Variants in SYT1 observed in about 807,000 individuals in gnomAD.
The protein encoded by SYT1 is synaptotagmin-1.
In SYT1, 8 loss-of-function variants were observed where a neutral mutation model predicts 44.8. That is an observed-to-expected ratio of 0.18 (90% CI 0.10 to 0.32). The LOEUF is 0.32. SYT1 is among the 10% of genes least tolerant of loss of function. SYT1 has a pLI of 1.00. For synonymous variants in SYT1, 154 were observed against 188.8 expected, an observed-to-expected ratio of 0.82 and a Z score of 1.51; for missense variants, 286 against 509.3, an observed-to-expected ratio of 0.56 and a Z score of 4.22.
intron 3 of SYT1, among the ~76,000 whole-genome samples, chr12:79,129,137 A>G (rs984529754): frequency 1.3e-5 from 2 of 152,192 alleles, no homozygotes; most frequent in Non-Finnish European, 2.9e-5. Flanking sequence ...AAAATTTTTA[A>G]AAATGCGTGG....
At chr12:78,895,337 T>C (rs1183670102) in intron 1 of SYT1, among the ~76,000 whole-genome samples, 2 of 151,754 alleles carry the variant, frequency 1.3e-5, no homozygotes, top group East Asian at 3.9e-4. Flanking sequence ...ATTCTTCAAC[T>C]ATAATGTTTA....
chr12:79,121,684 G>A (rs1010225665), intron 3 of SYT1, among the ~76,000 whole-genome samples: 5 of 152,158 alleles, frequency 3.3e-5, no homozygotes, highest in African/African-American at 7.2e-5. Context: ...CTGCACTTGC[G>A]TACTGAGCCA....
rs1237590322 is a variant in SYT1 at position 79,285,923 on chromosome 12, C to G, written c.303C>G (p.Ala101=). The change falls in exon 5 of 11, where the codon GCC becomes GCG. Residue 101 remains alanine (A), a synonymous_variant. Coordinates refer to ENST00000261205, the MANE Select transcript of SYT1 (RefSeq NM_005639.3). ...GAAAGGAAAAAGGAGGGAAGAATGC[C>G]ATTAACATGAAAGATGTAAAAGACT... ...KKGKEKGGKN[A]INMKDVKDLG... is the part of the protein sequence containing the mutation. The G allele has an allele frequency of 6.2e-7, 1 of 1,613,082 alleles. No individual in the cohort carries two copies. Among genetic ancestry groups the G allele is most frequent in the Non-Finnish European group, 8.5e-7 (1 of 1,179,684 alleles).
chr12:79,113,164 C>G (rs1401620531), intron 3 of SYT1, among the ~76,000 whole-genome samples: 1 of 151,964 alleles, frequency 6.6e-6, no homozygotes, highest in Non-Finnish European at 1.5e-5. Context: ...ATATGTTAAC[C>G]AAAATGTTTT....
chr12:79,275,197 C>G (rs953332316), intron 4 of SYT1, among the ~76,000 whole-genome samples: 1 of 152,104 alleles, frequency 6.6e-6, no homozygotes, highest in Non-Finnish European at 1.5e-5. Context: ...ACAGCTGCAT[C>G]TCTTTAAGCA....
intron 3 of SYT1, among the ~76,000 whole-genome samples, chr12:79,085,589 A>C (rs1178060293): frequency 1.3e-5 from 2 of 152,150 alleles, no homozygotes; most frequent in African/African-American, 4.8e-5. Flanking sequence ...TGGCATAGAA[A>C]GATGTAACCA....
intron 1 of SYT1, among the ~76,000 whole-genome samples, chr12:78,891,587 A>T (rs1256434660): frequency 6.6e-6 from 1 of 151,960 alleles, no homozygotes. Flanking sequence ...TCCACGGTGA[A>T]ATGATGGTTA....
At chr12:79,136,476 G>A (rs765852784) in intron 3 of SYT1, among the ~76,000 whole-genome samples, 9 of 152,110 alleles carry the variant, frequency 5.9e-5, no homozygotes, top group South Asian at 2.1e-4. Flanking sequence ...AATCCCATAC[G>A]CATGTGCTGG....
chr12:79,185,827 T>G (rs529229896), intron 3 of SYT1, among the ~76,000 whole-genome samples: 1 of 151,878 alleles, frequency 6.6e-6, no homozygotes, highest in East Asian at 1.9e-4. Flanking sequence ...TGTCCTATAT[T>G]TCCACTAATG....
chr12:79,135,393 G>A (rs1328703518), intron 3 of SYT1, among the ~76,000 whole-genome samples: 1 of 152,010 alleles, frequency 6.6e-6, no homozygotes, highest in Non-Finnish European at 1.5e-5. Context: ...AGGGTAGGGT[G>A]GGAAAGTGAG....
chr12:79,168,514 T>A (rs868526751), intron 3 of SYT1, among the ~76,000 whole-genome samples: 3 of 152,056 alleles, frequency 2.0e-5, no homozygotes, highest in South Asian at 4.1e-4. Flanking sequence ...TATTGCTAGT[T>A]TTTACTGGTG....
At chr12:78,894,464 CA>C (rs922448179) in intron 1 of SYT1, among the ~76,000 whole-genome samples, 9 of 135,344 alleles carry the variant, frequency 6.6e-5, no homozygotes, top group South Asian at 4.9e-4. Flanking sequence ...GTAACATACA[CA>C]AAAAAAAGTC....
intron 2 of SYT1, among the ~76,000 whole-genome samples, chr12:79,014,730 T>TATACCC (rs1453391141): frequency 6.6e-6 from 1 of 152,132 alleles, no homozygotes; most frequent in Non-Finnish European, 1.5e-5. Context: ...CAAAGGACTA[T>TATACCC]AAATCATGCT....
At chr12:78,895,941 G>A (rs957127117) in intron 1 of SYT1, among the ~76,000 whole-genome samples, 3 of 151,714 alleles carry the variant, frequency 2.0e-5, no homozygotes, top group Non-Finnish European at 3.0e-5. Flanking sequence ...AGACAAGTCA[G>A]CTATTTAGTT....
At chr12:79,168,053 T>G (rs1230336965) in intron 3 of SYT1, among the ~76,000 whole-genome samples, 1 of 152,108 alleles carries the variant, frequency 6.6e-6, no homozygotes, top group Non-Finnish European at 1.5e-5. Context: ...CACCTCCTGC[T>G]GTGCGGTCCA....
At chr12:79,262,869 C>T (rs1877906138) in intron 4 of SYT1, among the ~76,000 whole-genome samples, 1 of 152,074 alleles carries the variant, frequency 6.6e-6, no homozygotes, top group South Asian at 2.1e-4. Context: ...GTTGATTTCC[C>T]TACAAAACAA....
chr12:78,998,546 G>A (rs73351457), intron 2 of SYT1, among the ~76,000 whole-genome samples: 2,203 of 152,244 alleles, frequency 0.014, 54 homozygotes, highest in African/African-American at 0.048. Flanking sequence ...TTTGCTGAAA[G>A]GATATTAAAT....
chr12:79,369,294 C>A (rs970027323), intron 9 of SYT1, among the ~76,000 whole-genome samples: 4 of 152,090 alleles, frequency 2.6e-5, no homozygotes, highest in African/African-American at 9.7e-5. Context: ...CCAGCCTGGG[C>A]AACATAGTGA....
chr12:79,445,976 CATT>C (rs1284578619), intron 10 of SYT1, among the ~76,000 whole-genome samples: 4 of 86,948 alleles, frequency 4.6e-5, no homozygotes, highest in African/African-American at 1.7e-4. Context: ...TTCATGGAAA[CATT>C]AATCCAAAGA....
Sources: gnomAD v4.1 joint callset for allele counts (sites outside exome capture counted in the v4.1 genomes callset) on GRCh38, gnomAD v4.1.1 for gene constraint, MANE v1.5 for transcripts, NCBI Gene and HGNC (gene_info 2026-07-23, HGNC 2026-07-21) for gene names.